ACYP1: variants seen among roughly 807,000 people sequenced by gnomAD.
ACYP1 encodes the protein acylphosphatase 1.
A neutral mutation model predicts 10.4 loss-of-function variants in ACYP1; 8 were observed. The ratio of observed to expected loss-of-function variants is 0.77; its 90% confidence interval spans 0.45 to 1.38. ACYP1 has a LOEUF of 1.38. Among genes scored for constraint, ACYP1 ranks in the 40% most tolerant of loss-of-function variants. ACYP1 has a pLI of 0.00. For synonymous variants in ACYP1, 38 were observed against 40.8 expected (o/e 0.93, Z 0.26); for missense variants, 93 against 117.3 (o/e 0.79, Z 0.96).
intron 2 of ACYP1, among the ~76,000 whole-genome samples, chr14:75,054,384 A>T (rs1892825300): frequency 6.6e-6 from 1 of 151,624 alleles, no homozygotes; most frequent in Admixed American, 6.6e-5. Context: ...TTAGGCTTAT[A>T]AAAAGCATCT....
At chr14:75,059,530 G>A (rs182674818) in intron 2 of ACYP1, among the ~76,000 whole-genome samples, 72 of 152,270 alleles carry the variant, frequency 4.7e-4, no homozygotes, top group Middle Eastern at 3.4e-3. Flanking sequence ...CACAGAATGG[G>A]AGAAATATTT....
Position 75,057,101 on chromosome 14 carries a change from A to G in ACYP1, c.85-3442T>C, listed in dbSNP as rs78953362. ...TAGATGACATATCTTGTATACAAAA[A>G]GTCCTAAGAAACATACACAGGCACA... On this transcript the variant is annotated intron_variant, in intron 2 of 2. Coordinates refer to ENST00000238618, the MANE Select transcript of ACYP1 (RefSeq NM_001107.5). 6.0e-3 allele frequency among the ~76,000 whole-genome samples: 908 copies of G among 151,778 alleles called. 43 individuals are homozygous for G. The highest frequency in any genetic ancestry group is 0.021 in the African/African-American group (876 of 41,110).
intron 2 of ACYP1, among the ~76,000 whole-genome samples, chr14:75,059,176 TAAAAAAAAAAA>T (rs71119344): frequency 1.0e-5 from 1 of 97,374 alleles, no homozygotes; most frequent in Admixed American, 1.3e-4. Flanking sequence ...GACTCTGTCT[TAAAAAAAAAAA>T]AAAAAAAAAA....
chr14:75,057,991 A>AAAAAAAAAT (rs1248077503), intron 2 of ACYP1, among the ~76,000 whole-genome samples: 1 of 147,502 alleles, frequency 6.8e-6, no homozygotes, highest in Non-Finnish European at 1.5e-5. Context: ...AAAAAAAAGA[A>AAAAAAAAAT]CTACCTGCTG....
chr14:75,059,134 C>T (rs971594752), intron 2 of ACYP1, among the ~76,000 whole-genome samples: 2 of 138,774 alleles, frequency 1.4e-5, no homozygotes, highest in Non-Finnish European at 3.0e-5. Context: ...TGCAGTGAGC[C>T]GAGATCGAGA....
intron 2 of ACYP1, among the ~76,000 whole-genome samples, chr14:75,062,762 A>C (rs1005127615): frequency 2.0e-5 from 3 of 151,664 alleles, no homozygotes; most frequent in Non-Finnish European, 4.4e-5. Context: ...CAGAAGGCAG[A>C]GGGTAAATTG....
At chr14:75,060,371 TCA>T (rs942826868) in intron 2 of ACYP1, 2 of 553,170 alleles carry the variant, frequency 3.6e-6, no homozygotes, top group African/African-American at 3.9e-5. Flanking sequence ...ACTGGAATTC[TCA>T]CACATTGCCA....
At chr14:75,063,193 G>A (rs1893071039) in intron 2 of ACYP1, 1 of 422,032 alleles carries the variant, frequency 2.4e-6, no homozygotes, top group East Asian at 4.3e-5. Flanking sequence ...GCGAGCACTG[G>A]GGAAGCCCTC....
In ACYP1 at chr14:75,069,240, G is replaced by T. The variant is rs1335459796; in HGVS notation, c.52C>A (p.Arg18Ser). 2.0e-6 allele frequency: 3 copies of T among 1,502,242 alleles called. No homozygotes were observed. In the East Asian group the frequency reaches 8.1e-5, roughly 41 times the overall value. 93.1% of individuals were successfully genotyped at this position (1,502,242 alleles called of 1,614,324 possible). ...GCCCGCCCAGCGCAGCCGAGCGCGC[G>T]GAGAAAGGCCAGCAGCAGCCCCGCT... Residue 18 changes from arginine to serine, a missense_variant, in exon 1 of 3, where the codon CGC (arginine) becomes AGC (serine). Coordinates refer to the ACYP1 transcript ENST00000555463.
intron 2 of ACYP1, 33 bp downstream of exon 2, chr14:75,063,437 A>G (rs772617878): frequency 3.8e-6 from 6 of 1,576,800 alleles, no homozygotes; most frequent in Non-Finnish European, 5.2e-6. Context: ...CCCACAACCT[A>G]GGTTACCACC....
intron 2 of ACYP1, chr14:75,061,830 A>G (rs970831027): frequency 3.3e-6 from 4 of 1,215,020 alleles, no homozygotes; most frequent in African/African-American, 3.0e-5. Context: ...GGCCGGGCAC[A>G]GTGGCTCACA....
intron 1 of ACYP1, 87 bp from the exon 2 acceptor site, chr14:75,063,648 GT>G: frequency 9.2e-7 from 1 of 1,086,222 alleles, no homozygotes; most frequent in Non-Finnish European, 1.4e-6. Flanking sequence ...ACCCACCCCT[GT>G]CCATCCTTAA....
rs75667645 is a variant in ACYP1, at chr14:75,056,471, T to C, written c.85-2812A>G. Among the ~76,000 whole-genome samples the C allele has an allele frequency of 9.0e-4, 136 of 151,418 alleles. 4 individuals are homozygous for C. Among genetic ancestry groups the C allele is most frequent in the Non-Finnish European group, 1.7e-3 (115 of 67,958 alleles). On this transcript the variant is annotated intron_variant, in intron 2 of 2. Coordinates refer to ENST00000238618, the MANE Select transcript of ACYP1 (RefSeq NM_001107.5). ...CCTCTTTTCCTTTTTCTTTTTTTTT[T>C]CTGAAGGATGGTGGCACAGTCACAG...
chr14:75,053,606 GC>G lies in ACYP1; in HGVS notation c.137del (p.Gly46AlafsTer43). ...GACCTTGCAATTGTCCTTGCACTGT[GC>G]CCCGGTCAGTGTTCTGGACCCAGCC... is the stretch of plus-strand genomic sequence containing the variant. ...LVGWVQNTDR[G>X]TVQGQLQGPI... On this transcript the variant is annotated frameshift_variant, in exon 3 of 3. Coordinates refer to ENST00000238618, the MANE Select transcript of ACYP1 (RefSeq NM_001107.5). LOFTEE classifies it high-confidence loss of function. 1 of 1,614,134 alleles carries G rather than the reference GC, an allele frequency of 6.2e-7. No individual in the cohort carries two copies. Among genetic ancestry groups the G allele is most frequent in the Non-Finnish European group, 8.5e-7 (1 of 1,180,030 alleles).
intron 2 of ACYP1, among the ~76,000 whole-genome samples, chr14:75,056,952 AG>A (rs1566617657): frequency 2.6e-5 from 4 of 151,710 alleles, no homozygotes; most frequent in Non-Finnish European, 5.9e-5. Flanking sequence ...CACGAAGATC[AG>A]GAACAAGACA....
At chr14:75,059,508 A>T (rs1386088878) in intron 2 of ACYP1, among the ~76,000 whole-genome samples, 2 of 152,202 alleles carry the variant, frequency 1.3e-5, no homozygotes, top group East Asian at 1.9e-4. Context: ...TCAAGAAATT[A>T]AAAAGACAAC....
intron 2 of ACYP1, among the ~76,000 whole-genome samples, chr14:75,062,186 A>C (rs1893039590): frequency 6.7e-6 from 1 of 148,626 alleles, no homozygotes; most frequent in Admixed American, 6.7e-5. Flanking sequence ...ATCCCAGCAC[A>C]CTGGTGGGAG....
At chr14:75,055,856 A>C (rs1892864831) in intron 2 of ACYP1, among the ~76,000 whole-genome samples, 1 of 151,626 alleles carries the variant, frequency 6.6e-6, no homozygotes, top group Non-Finnish European at 1.5e-5. Context: ...GGATCAACAA[A>C]ATTGACAACC....
At chr14:75,064,033 G>A, upstream of ACYP1, 2 of 987,912 alleles carry the variant, frequency 2.0e-6, no homozygotes, top group South Asian at 4.6e-5. Flanking sequence ...GCAAACCTCC[G>A]CGCCCGGAAG....
Sources: allele counts gnomAD v4.1 joint callset (sites outside exome capture counted in the v4.1 genomes callset), GRCh38; gene constraint gnomAD v4.1.1; transcripts MANE v1.5; gene names NCBI Gene and HGNC (gene_info 2026-07-23, HGNC 2026-07-21).